The following CDK6 variants were observed in gnomAD, a reference collection of about 807,000 sequenced individuals.
CDK6 encodes cyclin dependent kinase 6.
A neutral mutation model predicts 37.1 loss-of-function variants in CDK6; 6 were observed. That is an observed-to-expected ratio of 0.16 (90% CI 0.09 to 0.32). The LOEUF (loss-of-function observed/expected upper bound fraction) is 0.32, where lower values mean the gene tolerates loss of function less well. CDK6 is among the 10% of genes least tolerant of loss of function. CDK6 has a pLI of 1.00. For synonymous variants in CDK6, 160 were observed against 161.3 expected, an observed-to-expected ratio of 0.99 and a Z score of 0.06; for missense variants, 224 against 418.9, an observed-to-expected ratio of 0.53 and a Z score of 4.06.
chr7:92,703,851 G>T (rs1797908971), intron 4 of CDK6, among the ~76,000 whole-genome samples: 1 of 152,002 alleles, frequency 6.6e-6, no homozygotes, highest in Admixed American at 6.6e-5. Context: ...TTCTAATATG[G>T]ACCTATTACA....
intron 3 of CDK6, among the ~76,000 whole-genome samples, chr7:92,769,232 T>C (rs1005591028): frequency 6.6e-6 from 1 of 152,174 alleles, no homozygotes. Context: ...AAACATTCAA[T>C]TGAAGATAAA....
chr7:92,659,173 T>C (rs1796776530), intron 5 of CDK6, among the ~76,000 whole-genome samples: 1 of 152,240 alleles, frequency 6.6e-6, no homozygotes, highest in African/African-American at 2.4e-5. Flanking sequence ...TGTCTCTGTT[T>C]CTTCTTTAAT....
chr7:92,665,408 C>T (rs1390274480), intron 5 of CDK6, among the ~76,000 whole-genome samples: 2 of 152,044 alleles, frequency 1.3e-5, no homozygotes, highest in Non-Finnish European at 2.9e-5. Context: ...GGATGGGTTA[C>T]TCTGGATGAA....
At chr7:92,816,556 A>G (rs943721891) in intron 2 of CDK6, among the ~76,000 whole-genome samples, 1 of 152,108 alleles carries the variant, frequency 6.6e-6, no homozygotes, top group African/African-American at 2.4e-5. Context: ...AAGAATATAT[A>G]ACTAAAAATG....
chr7:92,664,061 A>T (rs1796899549), intron 5 of CDK6, among the ~76,000 whole-genome samples: 1 of 152,032 alleles, frequency 6.6e-6, no homozygotes, highest in South Asian at 2.1e-4. Flanking sequence ...GAATGGTGTG[A>T]ACCCGGGAGG....
At chr7:92,718,606 C>T (rs762557899) in intron 4 of CDK6, among the ~76,000 whole-genome samples, 4 of 152,254 alleles carry the variant, frequency 2.6e-5, no homozygotes, top group Non-Finnish European at 5.9e-5. Context: ...ACACACACAC[C>T]CCAAGCACGA....
At chr7:92,686,925 G>A (rs1797469045) in intron 4 of CDK6, among the ~76,000 whole-genome samples, 2 of 152,032 alleles carry the variant, frequency 1.3e-5, no homozygotes, top group African/African-American at 4.8e-5. Flanking sequence ...ATCTTCTTTG[G>A]AGAACTGTCT....
At chr7:92,651,218 T>C (rs1796566752) in intron 5 of CDK6, among the ~76,000 whole-genome samples, 1 of 152,148 alleles carries the variant, frequency 6.6e-6, no homozygotes. Context: ...CTCATGTGAT[T>C]AGGTTGGGCC....
At chr7:92,711,023 C>CAG (rs1268735369) in intron 4 of CDK6, 2 of 183,292 alleles carry the variant, frequency 1.1e-5, no homozygotes, top group Non-Finnish European at 2.1e-5. Flanking sequence ...TTAAGGAGTG[C>CAG]AGGAGTAGGA....
chr7:92,814,792 C>T (rs1433711188), intron 2 of CDK6, among the ~76,000 whole-genome samples: 1 of 151,784 alleles, frequency 6.6e-6, no homozygotes, highest in Admixed American at 6.6e-5. Context: ...GAAGAAGTCA[C>T]CAAAGAGATA....
At chr7:92,750,985 T>C (rs1211566091) in intron 3 of CDK6, among the ~76,000 whole-genome samples, 9 of 152,228 alleles carry the variant, frequency 5.9e-5, no homozygotes, top group Non-Finnish European at 1.0e-4. Flanking sequence ...ACAGACGTCA[T>C]ATTTGATCAT....
intron 5 of CDK6, among the ~76,000 whole-genome samples, chr7:92,631,166 G>C (rs554550421): frequency 6.6e-6 from 1 of 152,148 alleles, no homozygotes; most frequent in Non-Finnish European, 1.5e-5. Flanking sequence ...TTCAATACCT[G>C]GTCATTTGGG....
intron 5 of CDK6, among the ~76,000 whole-genome samples, chr7:92,670,923 C>A (rs377397106): frequency 6.6e-6 from 1 of 152,302 alleles, no homozygotes; most frequent in African/African-American, 2.4e-5. Context: ...TATATCTAAT[C>A]TCTCCTGTAC....
intron 3 of CDK6, among the ~76,000 whole-genome samples, chr7:92,773,071 A>C (rs1799757076): frequency 6.6e-6 from 1 of 152,220 alleles, no homozygotes; most frequent in Non-Finnish European, 1.5e-5. Flanking sequence ...TTTTGAAAAT[A>C]CTTACATCTA....
intron 4 of CDK6, among the ~76,000 whole-genome samples, chr7:92,712,871 TATG>T (rs1562943846): frequency 4.6e-5 from 7 of 151,458 alleles, no homozygotes; most frequent in African/African-American, 1.7e-4. Flanking sequence ...TGTATGTATG[TATG>T]TATGTATTTA....
At chr7:92,639,661 G>C (rs1796256681) in intron 5 of CDK6, among the ~76,000 whole-genome samples, 1 of 152,022 alleles carries the variant, frequency 6.6e-6, no homozygotes, top group Non-Finnish European at 1.5e-5. Flanking sequence ...TTTTTTTGTT[G>C]TTTCGTTGTT....
intron 3 of CDK6, among the ~76,000 whole-genome samples, chr7:92,766,359 C>T (rs1175780899): frequency 1.3e-5 from 2 of 152,014 alleles, no homozygotes; most frequent in Admixed American, 6.6e-5. Context: ...TGGATGAAGA[C>T]TGTGAAGGAA....
At chr7:92,725,857 T>C in intron 3 of CDK6, 64 bp from the exon 4 acceptor site, 6 of 1,463,288 alleles carry the variant, frequency 4.1e-6, no homozygotes, top group Non-Finnish European at 5.7e-6. Context: ...TTTGCTATGC[T>C]GGACGCCGAA....
At chr7:92,659,265 A>C (rs1434245870) in intron 5 of CDK6, among the ~76,000 whole-genome samples, 1 of 152,250 alleles carries the variant, frequency 6.6e-6, no homozygotes, top group Non-Finnish European at 1.5e-5. Context: ...TGCTGAAAAA[A>C]GTCTGAACTG....
Sources: allele counts gnomAD v4.1 joint callset (sites outside exome capture counted in the v4.1 genomes callset), GRCh38; gene constraint gnomAD v4.1.1; transcripts MANE v1.5; gene names NCBI Gene and HGNC (gene_info 2026-07-23, HGNC 2026-07-21).